Variants in SNTG1 observed in about 807,000 individuals in gnomAD.
SNTG1 encodes the protein syntrophin gamma 1.
SNTG1 carries 39 observed loss-of-function variants against 74.7 expected under a neutral mutation model. The ratio of observed to expected loss-of-function variants is 0.52; its 90% CI spans 0.40 to 0.68. SNTG1 has a LOEUF of 0.68. SNTG1 is among the 30% of genes least tolerant of loss of function. SNTG1 has a pLI of 0.00. For synonymous variants in SNTG1, 254 were observed against 217.1 expected, an observed-to-expected ratio of 1.17 and a Z score of -1.49; for missense variants, 685 against 609.5, an observed-to-expected ratio of 1.12 and a Z score of -1.30.
In SNTG1 at chr8:50,088,759, T is replaced by C. The variant is rs1823165821; in HGVS notation, c.-102-83802T>C. Among the ~76,000 whole-genome samples the C allele has an allele frequency of 2.7e-5, 4 of 148,192 alleles. No individual in the cohort carries two copies. The South Asian group carries it at 8.7e-4, about 32-fold the overall frequency. ...CACTGCTCAAGGAAATAACAGAGGATACAAACAAATGGAAGAACATTCCAT... is the reference window on the plus strand; with the variant it reads ...CACTGCTCAAGGAAATAACAGAGGACACAAACAAATGGAAGAACATTCCAT... On this transcript the variant is annotated intron_variant, in intron 1 of 18. Transcript: ENST00000642720.
At chr8:50,432,424 T>C (rs186726195) in intron 4 of SNTG1, among the ~76,000 whole-genome samples, 83 of 152,304 alleles carry the variant, frequency 5.4e-4, no homozygotes, top group Admixed American at 5.4e-3. Context: ...ACTAAAACTT[T>C]ATAGTAAGTC....
At chr8:50,351,073 G>T (rs2091645412) in intron 2 of SNTG1, among the ~76,000 whole-genome samples, 1 of 152,216 alleles carries the variant, frequency 6.6e-6, no homozygotes, top group South Asian at 2.1e-4. Flanking sequence ...TGAAGTCAGT[G>T]AGACCAAGAA....
intron 1 of SNTG1, among the ~76,000 whole-genome samples, chr8:50,057,508 C>T (rs13260467): frequency 6.6e-6 from 1 of 152,006 alleles, no homozygotes; most frequent in Non-Finnish European, 1.5e-5. Context: ...AGAACAAGGT[C>T]AAAGTCAAAT....
chr8:50,186,201 TA>T (rs1311877405), intron 2 of SNTG1, among the ~76,000 whole-genome samples: 1 of 152,134 alleles, frequency 6.6e-6, no homozygotes, highest in African/African-American at 2.4e-5. Context: ...TATGGCTGCA[TA>T]GTATTCCATG....
intron 2 of SNTG1, among the ~76,000 whole-genome samples, chr8:50,270,161 T>C (rs1192084911): frequency 6.6e-6 from 1 of 152,138 alleles, no homozygotes; most frequent in Non-Finnish European, 1.5e-5. Flanking sequence ...GCAAGAGCTA[T>C]AATATATGAT....
At position 50,346,316 on chromosome 8, in the gene SNTG1, G is replaced by A. The variant is rs1015208855; in HGVS notation, c.-27-47896G>A. On this transcript the variant is annotated intron_variant, in intron 2 of 18. Transcript: ENST00000642720. Reference sequence around the variant, plus strand: ...TATCTGTTATGGGGATCTGGAATCCGTGATCTTTGATGTTACTGGTGGGAT... The same window carrying A: ...TATCTGTTATGGGGATCTGGAATCCATGATCTTTGATGTTACTGGTGGGAT... 4.6e-5 allele frequency among the ~76,000 whole-genome samples: 7 copies of A among 152,244 alleles called. No homozygotes were observed. In the South Asian group the frequency reaches 6.2e-4, roughly 14 times the overall value.
intron 9 of SNTG1, among the ~76,000 whole-genome samples, chr8:50,518,406 C>A (rs1200177229): frequency 6.6e-6 from 1 of 151,982 alleles, no homozygotes; most frequent in Non-Finnish European, 1.5e-5. Context: ...GCTAGAGAAG[C>A]AAGACCAAAC....
chr8:50,792,616 AT>A, intron 18 of SNTG1, 54 bp from the exon 19 acceptor site: 3 of 1,510,488 alleles, frequency 2.0e-6, no homozygotes, highest in Non-Finnish European at 2.7e-6. Flanking sequence ...GCTATTATAA[AT>A]TTTTAAAGAC....
intron 1 of SNTG1, among the ~76,000 whole-genome samples, chr8:50,063,910 A>G (rs1478748041): frequency 6.6e-6 from 1 of 152,220 alleles, no homozygotes; most frequent in East Asian, 1.9e-4. Flanking sequence ...AATCTCCTGC[A>G]GAACGTGTGT....
intron 18 of SNTG1, among the ~76,000 whole-genome samples, chr8:50,760,677 A>G (rs1312354220): frequency 6.6e-6 from 1 of 152,032 alleles, no homozygotes; most frequent in Non-Finnish European, 1.5e-5. Context: ...CACAAAAAAA[A>G]TGATAAAAAG....
At position 50,335,210 on chromosome 8, in the gene SNTG1, T is replaced by C. The variant is rs186439586; in HGVS notation, c.-27-59002T>C. On this transcript the variant is annotated intron_variant, in intron 2 of 18. Coordinates refer to ENST00000642720, the MANE Select transcript of SNTG1 (RefSeq NM_018967.5). The stretch of plus-strand genomic sequence containing the variant: ...CTTCTGGTTTCATGTGCTTTCTCTT[T>C]TTATTAGTTTCATATTGCAGTCATA... 1.3e-3 allele frequency among the ~76,000 whole-genome samples: 201 copies of C among 152,326 alleles called. 1 individual carries two copies. The Middle Eastern group carries it at 0.027, about 21-fold the overall frequency.
chr8:50,077,341 C>T (rs1002357198), intron 1 of SNTG1, among the ~76,000 whole-genome samples: 2 of 152,088 alleles, frequency 1.3e-5, no homozygotes, highest in Non-Finnish European at 2.9e-5. Flanking sequence ...CATTTTACCC[C>T]TTCATAATTT....
chr8:49,967,813 G>C (rs944056139), intron 1 of SNTG1, among the ~76,000 whole-genome samples: 1 of 152,168 alleles, frequency 6.6e-6, no homozygotes, highest in Middle Eastern at 3.2e-3. Flanking sequence ...AAGGTCTTAA[G>C]CAAATAATAA....
intron 12 of SNTG1, among the ~76,000 whole-genome samples, chr8:50,577,345 C>CT (rs1345361018): frequency 6.6e-6 from 1 of 151,910 alleles, no homozygotes; most frequent in Non-Finnish European, 1.5e-5. Flanking sequence ...TGTATATAAT[C>CT]TTTTTAATGT....
intron 2 of SNTG1, among the ~76,000 whole-genome samples, chr8:50,284,155 C>G (rs1229853883): frequency 6.6e-6 from 1 of 151,874 alleles, no homozygotes; most frequent in Non-Finnish European, 1.5e-5. Context: ...AGGAATTTTG[C>G]TTTTATTGTT....
chr8:50,599,112 A>G (rs1374899475), intron 13 of SNTG1, among the ~76,000 whole-genome samples: 1 of 152,012 alleles, frequency 6.6e-6, no homozygotes, highest in Non-Finnish European at 1.5e-5. Flanking sequence ...CCATTGATTG[A>G]AGAGACTGTC....
chr8:50,437,619 A>G (rs2093317643), intron 4 of SNTG1, among the ~76,000 whole-genome samples: 1 of 152,196 alleles, frequency 6.6e-6, no homozygotes, highest in Non-Finnish European at 1.5e-5. Flanking sequence ...ATTTGTAGAG[A>G]TATAGGGACC....
intron 1 of SNTG1, among the ~76,000 whole-genome samples, chr8:49,976,775 T>G (rs1392327243): frequency 6.6e-6 from 1 of 152,062 alleles, no homozygotes; most frequent in African/African-American, 2.4e-5. Context: ...CAGGATACTG[T>G]AAAGCCAAGG....
intron 2 of SNTG1, among the ~76,000 whole-genome samples, chr8:50,268,840 G>A (rs1437530682): frequency 2.6e-5 from 4 of 151,848 alleles, no homozygotes; most frequent in Admixed American, 2.6e-4. Context: ...TGTATTTATA[G>A]TAGAGAAGAG....
Sources: allele counts gnomAD v4.1 joint callset (sites outside exome capture counted in the v4.1 genomes callset), GRCh38; gene constraint gnomAD v4.1.1; transcripts MANE v1.5; gene names NCBI Gene and HGNC (gene_info 2026-07-23, HGNC 2026-07-21).